ZCCHC7: variants seen among roughly 807,000 people sequenced by gnomAD.
ZCCHC7 encodes the protein zinc finger CCHC-type containing 7, also known as zinc finger CCHC domain-containing protein 7.
Under a neutral mutation model 52.0 loss-of-function variants are expected in ZCCHC7, and 35 were observed. The observed-to-expected ratio is 0.67, with a 90% CI of 0.51 to 0.89. The LOEUF (loss-of-function observed/expected upper bound fraction) is 0.89. Among genes scored for constraint, ZCCHC7 ranks in the 40% least tolerant of loss-of-function variants. The pLI is 0.00. For missense variants in ZCCHC7, 574 were observed against 649.1 expected (o/e 0.88, Z 1.26); for synonymous variants, 217 against 221.5 (o/e 0.98, Z 0.18).
chr9:37,314,917 A>G (rs1471420597), intron 5 of ZCCHC7, among the ~76,000 whole-genome samples: 1 of 152,114 alleles, frequency 6.6e-6, no homozygotes, highest in African/African-American at 2.4e-5. Context: ...CCAGCATACT[A>G]ATCAATTCTG....
intron 2 of ZCCHC7, among the ~76,000 whole-genome samples, chr9:37,186,532 A>G (rs1164357041): frequency 6.6e-6 from 1 of 152,204 alleles, no homozygotes; most frequent in Non-Finnish European, 1.5e-5. Context: ...AGGATTTATG[A>G]CATTATACTG....
chr9:37,236,045 T>A (rs1825636028), intron 2 of ZCCHC7, among the ~76,000 whole-genome samples: 5 of 152,198 alleles, frequency 3.3e-5, no homozygotes, highest in Admixed American at 3.3e-4. Context: ...ACATACTGAT[T>A]TCATTGTCTT....
chr9:37,221,023 A>G (rs1419849859), intron 2 of ZCCHC7, among the ~76,000 whole-genome samples: 1 of 152,208 alleles, frequency 6.6e-6, no homozygotes, highest in African/African-American at 2.4e-5. Context: ...CTCCATGTGT[A>G]AAAGAGACAA....
At chr9:37,124,593 T>A (rs546649538) in intron 1 of ZCCHC7, among the ~76,000 whole-genome samples, 19 of 152,268 alleles carry the variant, frequency 1.2e-4, no homozygotes, top group African/African-American at 4.6e-4. Context: ...AATAAGTAAT[T>A]ATAAATGTGA....
chr9:37,149,193 A>G (rs1412096120), intron 2 of ZCCHC7, among the ~76,000 whole-genome samples: 6 of 152,182 alleles, frequency 3.9e-5, no homozygotes, highest in Admixed American at 1.3e-4. Context: ...AACATAGATT[A>G]TCTTGTACAG....
intron 6 of ZCCHC7, among the ~76,000 whole-genome samples, chr9:37,331,314 T>C (rs545312755): frequency 2.3e-4 from 35 of 151,764 alleles, no homozygotes; most frequent in Non-Finnish European, 4.3e-4. Context: ...AGGGTATATC[T>C]TATAAACCAT....
At chr9:37,301,558 C>T (rs961816205) in intron 2 of ZCCHC7, among the ~76,000 whole-genome samples, 2 of 152,072 alleles carry the variant, frequency 1.3e-5, no homozygotes, top group African/African-American at 4.8e-5. Flanking sequence ...CAAAATGGTA[C>T]CACTGTACTC....
intron 2 of ZCCHC7, among the ~76,000 whole-genome samples, chr9:37,241,617 TC>T (rs1304737218): frequency 6.6e-6 from 1 of 151,834 alleles, no homozygotes; most frequent in African/African-American, 2.4e-5. Context: ...GAAAAGTCTT[TC>T]ATTTTAGCAG....
At chr9:37,317,591 A>G (rs960810422) in intron 5 of ZCCHC7, among the ~76,000 whole-genome samples, 1 of 152,168 alleles carries the variant, frequency 6.6e-6, no homozygotes, top group Non-Finnish European at 1.5e-5. Context: ...TATTTTTTAA[A>G]TTATAGTAAT....
At chr9:37,296,175 G>A (rs531422080) in intron 2 of ZCCHC7, among the ~76,000 whole-genome samples, 2 of 152,240 alleles carry the variant, frequency 1.3e-5, no homozygotes, top group South Asian at 4.1e-4. Flanking sequence ...TACTGGGTTG[G>A]GTGGAAAATT....
intron 8 of ZCCHC7, among the ~76,000 whole-genome samples, chr9:37,355,358 C>T (rs1588716316): frequency 6.6e-6 from 1 of 152,294 alleles, no homozygotes; most frequent in Middle Eastern, 3.4e-3. Flanking sequence ...TTTTCTCTAC[C>T]TCTGTTCTTT....
chr9:37,229,671 A>T (rs1289008276), intron 2 of ZCCHC7, among the ~76,000 whole-genome samples: 1 of 152,206 alleles, frequency 6.6e-6, no homozygotes, highest in African/African-American at 2.4e-5. Context: ...GGCAGTGAGT[A>T]AGTGTTGAGT....
intron 2 of ZCCHC7, among the ~76,000 whole-genome samples, chr9:37,180,429 G>T (rs1289687556): frequency 6.6e-6 from 1 of 151,962 alleles, no homozygotes. Context: ...ATAATACAGT[G>T]GTACAATTTG....
chr9:37,164,679 C>G (rs1821323150), intron 2 of ZCCHC7, among the ~76,000 whole-genome samples: 1 of 152,160 alleles, frequency 6.6e-6, no homozygotes, highest in Non-Finnish European at 1.5e-5. Flanking sequence ...CCTGGGCTTA[C>G]TTGATTCTCT....
At chr9:37,210,710 C>T (rs952317536) in intron 2 of ZCCHC7, among the ~76,000 whole-genome samples, 1 of 152,122 alleles carries the variant, frequency 6.6e-6, no homozygotes, top group Non-Finnish European at 1.5e-5. Flanking sequence ...TTTTCTCTAC[C>T]CTATTCCACT....
rs1843065431 is a variant in ZCCHC7 at position 37,137,902 on chromosome 9, A to G, written c.610+10960A>G. Among the ~76,000 whole-genome samples, 4 of 152,174 alleles carry G rather than the reference A, an allele frequency of 2.6e-5. No individual in the cohort carries two copies. In the South Asian group the frequency reaches 6.2e-4, roughly 24 times the overall value. ...TGTCAGTAGTTTCTTGAGACATTTT[A>G]TACCCTAACAGGTCATAAGAGTGTA... On this transcript the variant is annotated intron_variant, in intron 2 of 8. Coordinates refer to ENST00000336755, the MANE Select transcript of ZCCHC7 (RefSeq NM_032226.3).
chr9:37,296,621 C>T (rs1205122661), intron 2 of ZCCHC7, among the ~76,000 whole-genome samples: 1 of 151,486 alleles, frequency 6.6e-6, no homozygotes, highest in Non-Finnish European at 1.5e-5. Flanking sequence ...CATGAGCTCA[C>T]AGTCTATAAT....
chr9:37,217,458 A>C (rs1215662650), intron 2 of ZCCHC7, among the ~76,000 whole-genome samples: 7 of 152,182 alleles, frequency 4.6e-5, no homozygotes, highest in Admixed American at 4.6e-4. Flanking sequence ...ACTGTTTAGC[A>C]TGATAATACA....
chr9:37,337,029 G>A (rs1830700581), intron 6 of ZCCHC7, among the ~76,000 whole-genome samples: 1 of 152,144 alleles, frequency 6.6e-6, no homozygotes, highest in South Asian at 2.1e-4. Context: ...ATATTCCTGA[G>A]AGGATTATTT....
Sources: gnomAD v4.1 joint callset for allele counts (sites outside exome capture counted in the v4.1 genomes callset) on GRCh38, gnomAD v4.1.1 for gene constraint, MANE v1.5 for transcripts, NCBI Gene and HGNC (gene_info 2026-07-23, HGNC 2026-07-21) for gene names.